Variants in PLCXD2 observed in about 807,000 individuals in gnomAD.
PLCXD2 encodes PI-PLC X domain-containing protein 2.
A neutral mutation model predicts 28.6 loss-of-function variants in PLCXD2; 21 were observed. That is an observed-to-expected ratio of 0.73 (90% CI 0.52 to 1.06). The LOEUF (loss-of-function observed/expected upper bound fraction) is 1.06, where lower values mean the gene tolerates loss of function less well. PLCXD2 is among the 50% of genes least tolerant of loss of function. The probability of loss-of-function intolerance (pLI) is 0.00; values close to 1 mark genes in which losing one functional copy is unlikely to be tolerated. For missense variants in PLCXD2, 369 were observed against 376.7 expected, an observed-to-expected ratio of 0.98 and a Z score of 0.17; for synonymous variants, 140 against 150.1, an observed-to-expected ratio of 0.93 and a Z score of 0.49.
At chr3:111,679,809 T>G (rs1227394157) in intron 1 of PLCXD2, among the ~76,000 whole-genome samples, 1 of 152,206 alleles carries the variant, frequency 6.6e-6, no homozygotes, top group Non-Finnish European at 1.5e-5. Context: ...TGGTGTAACT[T>G]CTTTTCTAGG....
intron 1 of PLCXD2, among the ~76,000 whole-genome samples, chr3:111,705,916 G>C (rs185218324): frequency 6.7e-6 from 1 of 149,762 alleles, no homozygotes; most frequent in Non-Finnish European, 1.5e-5. Context: ...GCCGTGGTAC[G>C]ATGTTTGTCA....
chr3:111,711,938 T>C (rs1303487309), intron 2 of PLCXD2, among the ~76,000 whole-genome samples: 1 of 152,110 alleles, frequency 6.6e-6, no homozygotes, highest in African/African-American at 2.4e-5. Context: ...GGAATCGTTC[T>C]TGAAGGAAAT....
At position 111,701,014 on chromosome 3, in the gene PLCXD2, A is replaced by C. The variant is rs1370063224; in HGVS notation, c.164-6912A>C. Among the ~76,000 whole-genome samples the C allele has an allele frequency of 2.0e-5, 3 of 152,214 alleles. No individual in the cohort carries two copies. In the East Asian group the frequency reaches 5.8e-4, roughly 29 times the overall value. Reference sequence around the variant, plus strand: ...GCTATAGTCAACAGAGTGGAGGCTAAGTTTTCATCTCCATGTCAGCTAATA... The same window carrying C: ...GCTATAGTCAACAGAGTGGAGGCTACGTTTTCATCTCCATGTCAGCTAATA... On this transcript the variant is annotated intron_variant, in intron 1 of 4. Coordinates refer to ENST00000477665, the MANE Select transcript of PLCXD2 (RefSeq NM_001185106.1).
intron 1 of PLCXD2, among the ~76,000 whole-genome samples, chr3:111,703,959 T>C (rs894364626): frequency 1.3e-5 from 2 of 152,254 alleles, no homozygotes; most frequent in Non-Finnish European, 2.9e-5. Flanking sequence ...ATGTTCCAGA[T>C]GCTACATAAA....
chr3:111,720,662 G>A (rs746566006), intron 3 of PLCXD2, 61 bp from the exon 4 acceptor site: 5 of 416,262 alleles, frequency 1.2e-5, no homozygotes, highest in Non-Finnish European at 2.2e-5. Flanking sequence ...TCCATGTCTG[G>A]AGAAGACCCT....
At chr3:111,715,353 A>G (rs1482745938) in intron 3 of PLCXD2, among the ~76,000 whole-genome samples, 1 of 152,214 alleles carries the variant, frequency 6.6e-6, no homozygotes, top group Non-Finnish European at 1.5e-5. Flanking sequence ...TTATTTATAT[A>G]TTCATTCAAC....
At chr3:111,726,622 A>T (rs1279931270) in intron 3 of PLCXD2, 6 of 152,188 alleles carry the variant, frequency 3.9e-5, no homozygotes, top group Non-Finnish European at 7.3e-5. Context: ...ATGCTTCTTG[A>T]TATTCTGAAA....
intron 1 of PLCXD2, among the ~76,000 whole-genome samples, chr3:111,705,967 C>T (rs1941112514): frequency 6.6e-6 from 1 of 152,028 alleles, no homozygotes; most frequent in Non-Finnish European, 1.5e-5. Context: ...GCAATCCTCC[C>T]ACCTCAGCCT....
chr3:111,718,247 C>A (rs962444989), intron 3 of PLCXD2, among the ~76,000 whole-genome samples: 35 of 152,112 alleles, frequency 2.3e-4, no homozygotes, highest in African/African-American at 8.0e-4. Flanking sequence ...GGCGGATCAC[C>A]AGGTCAGGAG....
chr3:111,698,192 A>G (rs1356678033), intron 1 of PLCXD2, among the ~76,000 whole-genome samples: 2 of 152,232 alleles, frequency 1.3e-5, no homozygotes, highest in African/African-American at 2.4e-5. Flanking sequence ...AGCTCATTCT[A>G]TTAGCCAAGG....
rs200228871 is a variant in PLCXD2 at position 111,712,720 on chromosome 3, A to T, written c.625-1167A>T. On this transcript the variant is annotated intron_variant, in intron 2 of 4. Transcript: ENST00000477665. ...CTCTTGTTCTTGGGTGCCCGGGAGG[A>T]TTACCCTCTGTGGCCAACTATCCGG... is the stretch of plus-strand genomic sequence containing the variant. 2.6e-4 allele frequency among the ~76,000 whole-genome samples: 39 copies of T among 152,222 alleles called. No individual in the cohort carries two copies. The East Asian group carries it at 5.6e-3, about 22-fold the overall frequency.
chr3:111,694,279 T>C (rs528114481), intron 1 of PLCXD2, among the ~76,000 whole-genome samples: 5 of 152,172 alleles, frequency 3.3e-5, no homozygotes, highest in Non-Finnish European at 7.3e-5. Flanking sequence ...ACCCACTGCT[T>C]AATACTGCTT....
At chr3:111,711,744 A>G (rs1941202255) in intron 2 of PLCXD2, among the ~76,000 whole-genome samples, 1 of 152,240 alleles carries the variant, frequency 6.6e-6, no homozygotes, top group African/African-American at 2.4e-5. Context: ...TGGTAAGAGT[A>G]CATAACACTA....
chr3:111,695,547 G>A (rs1368173193), intron 1 of PLCXD2, among the ~76,000 whole-genome samples: 1 of 152,216 alleles, frequency 6.6e-6, no homozygotes, highest in Non-Finnish European at 1.5e-5. Flanking sequence ...ACTGCAACAG[G>A]CATGCTTGGC....
chr3:111,675,225 G>A lies in PLCXD2; in HGVS notation c.-21G>A. On this transcript the variant is annotated 5_prime_UTR_variant, in exon 1 of 5. Coordinates refer to ENST00000477665, the MANE Select transcript of PLCXD2 (RefSeq NM_001185106.1). ...AGTGAGTGGCACTGGGCTGAGACTG[G>A]CCAGTTTGTTAACAACAGGGATGCT... is the stretch of plus-strand genomic sequence containing the variant. 1 of 1,609,778 alleles carries A rather than the reference G, an allele frequency of 6.2e-7. No homozygotes were observed. The highest frequency in any genetic ancestry group is 8.5e-7 in the Non-Finnish European group (1 of 1,176,790).
At chr3:111,705,686 T>A (rs1473493306) in intron 1 of PLCXD2, among the ~76,000 whole-genome samples, 1 of 152,042 alleles carries the variant, frequency 6.6e-6, no homozygotes, top group African/African-American at 2.4e-5. Context: ...TTTTTTGTTT[T>A]TATAATTGCT....
intron 1 of PLCXD2, chr3:111,676,958 G>A (rs975589319): frequency 5.9e-5 from 9 of 152,288 alleles, no homozygotes; most frequent in African/African-American, 2.2e-4. Flanking sequence ...CTGACCCCGT[G>A]ACTGTAGAAA....
intron 1 of PLCXD2, chr3:111,691,214 G>A (rs79663643): frequency 6.6e-6 from 1 of 152,182 alleles, no homozygotes; most frequent in Non-Finnish European, 1.5e-5. Context: ...AAGTGTGAAA[G>A]AAAAATGTTA....
chr3:111,712,004 G>C (rs1941205316), intron 2 of PLCXD2, among the ~76,000 whole-genome samples: 1 of 152,146 alleles, frequency 6.6e-6, no homozygotes, highest in Non-Finnish European at 1.5e-5. Context: ...CTGAGATAGA[G>C]AGGAGAGTAT....
Sources: gnomAD v4.1 joint callset for allele counts (sites outside exome capture counted in the v4.1 genomes callset) on GRCh38, gnomAD v4.1.1 for gene constraint, MANE v1.5 for transcripts, NCBI Gene and HGNC (gene_info 2026-07-23, HGNC 2026-07-21) for gene names.